The following GPATCH2 variants were observed in gnomAD, a reference collection of about 807,000 sequenced individuals.
GPATCH2 encodes the protein G patch domain-containing protein 2.
A neutral mutation model predicts 58.0 loss-of-function variants in GPATCH2; 51 were observed. The observed-to-expected ratio is 0.88, with a 90% CI of 0.70 to 1.11. The LOEUF (loss-of-function observed/expected upper bound fraction) is 1.11, where lower values mean the gene tolerates loss of function less well. Ranked by LOEUF, GPATCH2 falls within the 50% of genes most tolerant of loss-of-function variation. GPATCH2 has a pLI of 0.00. For missense variants in GPATCH2, 625 were observed against 652.2 expected (o/e 0.96, Z 0.45); for synonymous variants, 222 against 218.5 (o/e 1.02, Z -0.14).
intron 8 of GPATCH2, among the ~76,000 whole-genome samples, chr1:217,479,595 GAAAGA>G (rs1349258752): frequency 2.0e-5 from 3 of 151,912 alleles, no homozygotes; most frequent in African/African-American, 7.3e-5. Flanking sequence ...AAGAAAGAAA[GAAAGA>G]AGAGAAGACC....
chr1:217,493,606 T>C (rs756721204), intron 7 of GPATCH2, among the ~76,000 whole-genome samples: 11 of 152,134 alleles, frequency 7.2e-5, no homozygotes, highest in Non-Finnish European at 1.2e-4. Context: ...TATTACTACT[T>C]ATAGAAAAGA....
chr1:217,514,082 C>A (rs2911706), intron 6 of GPATCH2, among the ~76,000 whole-genome samples: 9,338 of 151,904 alleles, frequency 0.061, 428 homozygotes, highest in Middle Eastern at 0.13. Context: ...CCGCCTTGGC[C>A]TCCCAAAGTG....
intron 5 of GPATCH2, among the ~76,000 whole-genome samples, chr1:217,564,753 C>T (rs1666128023): frequency 6.6e-6 from 1 of 151,994 alleles, no homozygotes; most frequent in Non-Finnish European, 1.5e-5. Flanking sequence ...AAGAAAGAAA[C>T]AAATATCAGT....
chr1:217,538,556 C>T (rs997876916), intron 5 of GPATCH2, among the ~76,000 whole-genome samples: 4 of 152,142 alleles, frequency 2.6e-5, no homozygotes, highest in Admixed American at 1.3e-4. Flanking sequence ...GGTCTCAGGA[C>T]AAATCTCTTG....
chr1:217,443,518 A>G (rs1472969341), intron 9 of GPATCH2, among the ~76,000 whole-genome samples: 1 of 152,076 alleles, frequency 6.6e-6, no homozygotes, highest in Non-Finnish European at 1.5e-5. Flanking sequence ...TATATTTAAT[A>G]TTTCTTGATA....
chr1:217,532,614 AAGG>A (rs1275234327), intron 5 of GPATCH2, among the ~76,000 whole-genome samples: 1 of 152,158 alleles, frequency 6.6e-6, no homozygotes, highest in Non-Finnish European at 1.5e-5. Context: ...TGAAATAAAT[AAGG>A]AGAAGGTGGT....
intron 7 of GPATCH2, among the ~76,000 whole-genome samples, chr1:217,494,514 G>A (rs888766873): frequency 7.2e-5 from 11 of 152,166 alleles, no homozygotes; most frequent in African/African-American, 1.2e-4. Context: ...CATGGCGGGC[G>A]GATCACCTGA....
chr1:217,436,815 A>C (rs1658856436), intron 9 of GPATCH2, among the ~76,000 whole-genome samples: 1 of 152,178 alleles, frequency 6.6e-6, no homozygotes, highest in African/African-American at 2.4e-5. Flanking sequence ...CAATTAGCTA[A>C]AGAGTACCCC....
At chr1:217,452,330 G>A (rs145390216) in intron 8 of GPATCH2, among the ~76,000 whole-genome samples, 78 of 152,240 alleles carry the variant, frequency 5.1e-4, no homozygotes, top group Non-Finnish European at 8.1e-4. Context: ...ATTAAGGCTG[G>A]TTTTATTGAT....
intron 9 of GPATCH2, 114 bp from the exon 10 acceptor site, chr1:217,431,479 C>A: frequency 1.5e-6 from 1 of 680,830 alleles, no homozygotes; most frequent in South Asian, 1.7e-5. Context: ...CAACCAGGTA[C>A]TAGAGGGGGT....
chr1:217,508,504 T>G, intron 6 of GPATCH2, among the ~76,000 whole-genome samples: 1 of 152,256 alleles, frequency 6.6e-6, no homozygotes, highest in Admixed American at 6.5e-5. Flanking sequence ...CACAATCGAT[T>G]AATAAATCAT....
chr1:217,576,634 A>G (rs1273284738), intron 5 of GPATCH2, among the ~76,000 whole-genome samples: 1 of 152,206 alleles, frequency 6.6e-6, no homozygotes, highest in East Asian at 1.9e-4. Context: ...TGCACATACA[A>G]GTGAAAAAGA....
At chr1:217,630,852 CG>C in intron 1 of GPATCH2, 63 bp downstream of exon 1, 1 of 1,215,274 alleles carries the variant, frequency 8.2e-7, no homozygotes, top group Non-Finnish European at 1.2e-6. Flanking sequence ...CCAGGTCCAG[CG>C]GAGCGGCCTC....
intron 5 of GPATCH2, among the ~76,000 whole-genome samples, chr1:217,553,317 A>T (rs1571907583): frequency 6.6e-6 from 1 of 152,164 alleles, no homozygotes; most frequent in East Asian, 1.9e-4. Context: ...GGGGCTTCAT[A>T]AATGAATACT....
At chr1:217,624,674 T>C (rs537625900) in intron 1 of GPATCH2, among the ~76,000 whole-genome samples, 1 of 152,344 alleles carries the variant, frequency 6.6e-6, no homozygotes, top group South Asian at 2.1e-4. Context: ...AATTTCCTAT[T>C]AAAGGGGAAA....
chr1:217,494,047 G>A (rs560964007), intron 7 of GPATCH2, among the ~76,000 whole-genome samples: 15 of 152,204 alleles, frequency 9.9e-5, no homozygotes, highest in African/African-American at 3.4e-4. Context: ...ACTAGGTTTC[G>A]ATAGTTCTCA....
In GPATCH2 at chr1:217,458,031, T is replaced by C. The variant is rs138126434; in HGVS notation, c.1278-8694A>G. 1.4e-4 allele frequency among the ~76,000 whole-genome samples: 22 copies of C among 152,164 alleles called. No homozygotes were observed. The East Asian group carries it at 2.9e-3, about 20-fold the overall frequency. On this transcript the variant is annotated intron_variant, in intron 8 of 9. Transcript: ENST00000366935. The stretch of plus-strand genomic sequence containing the variant: ...CCACGAAGTCAGGAGATAGAGAATA[T>C]CCTGGCTAACACGGTGAAACCCCGT...
chr1:217,483,859 C>A (rs902035069), intron 8 of GPATCH2, among the ~76,000 whole-genome samples: 1 of 151,948 alleles, frequency 6.6e-6, no homozygotes, highest in African/African-American at 2.4e-5. Context: ...GAGTTGTTTA[C>A]ATATTCTTGA....
chr1:217,618,035 G>A (rs1460765055), intron 2 of GPATCH2, among the ~76,000 whole-genome samples: 1 of 151,998 alleles, frequency 6.6e-6, no homozygotes. Context: ...ATCCAGAATT[G>A]AGTATGTTAT....
Sources: allele counts gnomAD v4.1 joint callset (sites outside exome capture counted in the v4.1 genomes callset), GRCh38; gene constraint gnomAD v4.1.1; transcripts MANE v1.5; gene names NCBI Gene and HGNC (gene_info 2026-07-23, HGNC 2026-07-21).